SPPL3: variants seen among roughly 807,000 people sequenced by gnomAD.
The protein encoded by SPPL3 is signal peptide peptidase-like 3.
A neutral mutation model predicts 42.4 loss-of-function variants in SPPL3; 5 were observed. That is an observed-to-expected ratio of 0.12 (90% CI 0.06 to 0.25). The LOEUF (loss-of-function observed/expected upper bound fraction) is 0.25, where lower values mean the gene tolerates loss of function less well. Among genes scored for constraint, SPPL3 ranks in the 10% least tolerant of loss-of-function variants. The pLI is 1.00. For synonymous variants in SPPL3, 195 were observed against 181.8 expected (o/e 1.07, Z -0.58); for missense variants, 235 against 489.0 (o/e 0.48, Z 4.90).
At chr12:120,854,184 T>A (rs1024323525) in intron 1 of SPPL3, among the ~76,000 whole-genome samples, 14 of 152,120 alleles carry the variant, frequency 9.2e-5, no homozygotes, top group African/African-American at 2.7e-4. Context: ...TAAGAACACA[T>A]GTGGCAGCCT....
chr12:120,852,242 C>T (rs1460586178), intron 1 of SPPL3, among the ~76,000 whole-genome samples: 1 of 151,150 alleles, frequency 6.6e-6, no homozygotes, highest in African/African-American at 2.4e-5. Flanking sequence ...TTAGGAAACT[C>T]CCAGTTTGTC....
intron 1 of SPPL3, among the ~76,000 whole-genome samples, chr12:120,822,508 T>C (rs937207331): frequency 5.3e-5 from 8 of 152,200 alleles, no homozygotes; most frequent in African/African-American, 1.7e-4. Flanking sequence ...ATGCTACAGA[T>C]TGACATTTAG....
intron 1 of SPPL3, among the ~76,000 whole-genome samples, chr12:120,868,907 T>C (rs1251111913): frequency 1.3e-5 from 2 of 152,196 alleles, no homozygotes; most frequent in African/African-American, 4.8e-5. Context: ...CCATAGCGAC[T>C]GCTATAATTC....
intron 2 of SPPL3, among the ~76,000 whole-genome samples, chr12:120,808,086 C>CTTTTTTTT (rs63135760): frequency 1.5e-4 from 20 of 132,780 alleles, no homozygotes; most frequent in Non-Finnish European, 2.4e-4. Context: ...AGTTTCTTTT[C>CTTTTTTTT]TTTTTTTTTT....
chr12:120,861,837 A>C (rs564497477), intron 1 of SPPL3, among the ~76,000 whole-genome samples: 14 of 152,352 alleles, frequency 9.2e-5, no homozygotes, highest in Admixed American at 7.2e-4. Flanking sequence ...AGGAGAGAAC[A>C]GAAGGGCTGT....
At chr12:120,839,626 A>T (rs147903334) in intron 1 of SPPL3, among the ~76,000 whole-genome samples, 2 of 152,324 alleles carry the variant, frequency 1.3e-5, no homozygotes, top group African/African-American at 4.8e-5. Context: ...CTAACTCTGC[A>T]GCTAAATGAT....
intron 1 of SPPL3, among the ~76,000 whole-genome samples, chr12:120,878,825 A>C (rs980311958): frequency 6.6e-6 from 1 of 152,140 alleles, no homozygotes; most frequent in Non-Finnish European, 1.5e-5. Context: ...TAAGAATAAG[A>C]CGATAAGGCC....
chr12:120,892,892 G>C (rs1873685054), intron 1 of SPPL3, among the ~76,000 whole-genome samples: 1 of 148,792 alleles, frequency 6.7e-6, no homozygotes, highest in Non-Finnish European at 1.5e-5. Flanking sequence ...TGAGGCAGGA[G>C]AATGGCGTGA....
At chr12:120,819,981 T>A (rs950127080) in intron 1 of SPPL3, among the ~76,000 whole-genome samples, 1 of 152,118 alleles carries the variant, frequency 6.6e-6, no homozygotes, top group Non-Finnish European at 1.5e-5. Flanking sequence ...AGACAAGTAA[T>A]GTTAGTAGTA....
chr12:120,812,577 C>A (rs1303273425), intron 1 of SPPL3, among the ~76,000 whole-genome samples: 1 of 152,150 alleles, frequency 6.6e-6, no homozygotes, highest in Non-Finnish European at 1.5e-5. Context: ...GAATGCCTCA[C>A]AGCAGTGAAA....
At chr12:120,783,146 T>C (rs1869599517) in intron 5 of SPPL3, among the ~76,000 whole-genome samples, 1 of 152,220 alleles carries the variant, frequency 6.6e-6, no homozygotes, top group African/African-American at 2.4e-5. Flanking sequence ...GTAAATCTTT[T>C]GGTTATCACT....
chr12:120,881,874 CAGAA>C (rs763460038), intron 1 of SPPL3, among the ~76,000 whole-genome samples: 2 of 151,302 alleles, frequency 1.3e-5, no homozygotes, highest in South Asian at 2.1e-4. Flanking sequence ...TTCACAGAGA[CAGAA>C]AGGAGAACAA....
intron 1 of SPPL3, among the ~76,000 whole-genome samples, chr12:120,815,764 T>C (rs1870849530): frequency 6.6e-6 from 1 of 152,156 alleles, no homozygotes; most frequent in South Asian, 2.1e-4. Flanking sequence ...TCTCGCTCTG[T>C]CGCCCAGTCT....
chr12:120,854,529 CA>C (rs1465279565), intron 1 of SPPL3, among the ~76,000 whole-genome samples: 1 of 152,102 alleles, frequency 6.6e-6, no homozygotes, highest in African/African-American at 2.4e-5. Context: ...ACCTATAAAT[CA>C]CTAAAACAAT....
rs143568168 is a variant in SPPL3 at position 120,899,067 on chromosome 12, T to A, written c.23+4778A>T. Among the ~76,000 whole-genome samples the A allele has an allele frequency of 4.9e-3, 752 of 152,344 alleles. 2 individuals carry two copies. Among genetic ancestry groups the A allele is most frequent in the Non-Finnish European group, 7.2e-3 (491 of 68,032 alleles). ...CAGGAAGAAAGGTGTTTTTCTCAAATTAATAAAAGTCTAGTTAGCACATTC... is the reference window on the plus strand; with the variant it reads ...CAGGAAGAAAGGTGTTTTTCTCAAAATAATAAAAGTCTAGTTAGCACATTC... On this transcript the variant is annotated intron_variant, in intron 1 of 10. Transcript: ENST00000353487.
chr12:120,839,193 T>C lies in SPPL3; in HGVS notation c.24-28307A>G, dbSNP rs1871721930. Among the ~76,000 whole-genome samples, 8 of 150,966 alleles carry C rather than the reference T, an allele frequency of 5.3e-5. No individual in the cohort carries two copies. In the South Asian group the frequency reaches 1.7e-3, roughly 32 times the overall value. ...CTATGCAGCCATAAAAAATGATGAG[T>C]TCATGTCCTTTGTAGGGACATGGAT... On this transcript the variant is annotated intron_variant, in intron 1 of 10. Transcript: ENST00000353487.
At chr12:120,816,832 A>G (rs1168374311) in intron 1 of SPPL3, among the ~76,000 whole-genome samples, 1 of 152,168 alleles carries the variant, frequency 6.6e-6, no homozygotes, top group Non-Finnish European at 1.5e-5. Context: ...ATTGACTTCA[A>G]TATCTGCCCA....
intron 1 of SPPL3, among the ~76,000 whole-genome samples, chr12:120,869,042 A>G (rs1872847005): frequency 6.6e-6 from 1 of 152,216 alleles, no homozygotes; most frequent in Non-Finnish European, 1.5e-5. Context: ...ACAATGTCCT[A>G]ACTATAATAT....
intron 2 of SPPL3, among the ~76,000 whole-genome samples, chr12:120,801,629 C>G (rs138608666): frequency 1.5e-3 from 232 of 152,258 alleles, no homozygotes; most frequent in African/African-American, 5.4e-3. Context: ...GTATATACTG[C>G]TTTTTTCTCA....
Sources: allele counts gnomAD v4.1 joint callset (sites outside exome capture counted in the v4.1 genomes callset), GRCh38; gene constraint gnomAD v4.1.1; transcripts MANE v1.5; gene names NCBI Gene and HGNC (gene_info 2026-07-23, HGNC 2026-07-21).